SRBD1: variants seen among roughly 807,000 people sequenced by gnomAD.
The protein encoded by SRBD1 is S1 RNA binding domain 1.
SRBD1 carries 88 observed loss-of-function variants against 115.3 expected under a neutral mutation model. The ratio of observed to expected loss-of-function variants is 0.76; its 90% confidence interval spans 0.64 to 0.91. SRBD1 has a LOEUF of 0.91. SRBD1 is among the 40% of genes least tolerant of loss of function. The pLI, the probability that SRBD1 is intolerant of heterozygous loss-of-function variation, is 0.00. For missense variants in SRBD1, 1,385 were observed against 1,177.4 expected, an observed-to-expected ratio of 1.18 and a Z score of -2.58; for synonymous variants, 509 against 407.7, an observed-to-expected ratio of 1.25 and a Z score of -2.99.
intron 14 of SRBD1, among the ~76,000 whole-genome samples, chr2:45,540,322 CAG>C (rs556268426): frequency 2.8e-5 from 4 of 144,108 alleles, no homozygotes; most frequent in African/African-American, 5.2e-5. Context: ...GCCTGGGCGA[CAG>C]AGAGAGAGTC....
intron 18 of SRBD1, among the ~76,000 whole-genome samples, chr2:45,414,143 T>G (rs1052045099): frequency 6.6e-6 from 1 of 152,194 alleles, no homozygotes; most frequent in Non-Finnish European, 1.5e-5. Context: ...TTAAAGTTTC[T>G]GAGAGAAAAT....
At chr2:45,567,806 T>G (rs1035231094) in intron 9 of SRBD1, 9 of 152,166 alleles carry the variant, frequency 5.9e-5, no homozygotes, top group African/African-American at 2.2e-4. Flanking sequence ...ATAAATTAAG[T>G]AGAGTACAAC....
intron 15 of SRBD1, among the ~76,000 whole-genome samples, chr2:45,482,534 C>T (rs775063532): frequency 6.6e-6 from 1 of 151,322 alleles, no homozygotes; most frequent in Non-Finnish European, 1.5e-5. Flanking sequence ...AGAGATTTTA[C>T]GTACAGTATG....
At chr2:45,551,087 C>A (rs768945450) in intron 12 of SRBD1, 38 bp downstream of exon 12, 3 of 1,558,810 alleles carry the variant, frequency 1.9e-6, no homozygotes, top group Non-Finnish European at 2.6e-6. Context: ...TATAACCAAC[C>A]AAACAACTTT....
chr2:45,554,871 T>C (rs1672423286), intron 10 of SRBD1, among the ~76,000 whole-genome samples: 2 of 152,052 alleles, frequency 1.3e-5, no homozygotes, highest in Admixed American at 1.3e-4. Context: ...GCTCTATAGG[T>C]AACAACCTGA....
At chr2:45,587,491 T>C (rs1469686947) in intron 4 of SRBD1, among the ~76,000 whole-genome samples, 1 of 152,128 alleles carries the variant, frequency 6.6e-6, no homozygotes, top group African/African-American at 2.4e-5. Context: ...GAGTACGTTT[T>C]ATTATTATTT....
intron 16 of SRBD1, among the ~76,000 whole-genome samples, chr2:45,428,629 C>T (rs1401785293): frequency 1.3e-5 from 2 of 151,938 alleles, no homozygotes; most frequent in East Asian, 3.8e-4. Flanking sequence ...AGAACAAAGA[C>T]ACAATGTACC....
chr2:45,528,637 G>A (rs1671521931), intron 14 of SRBD1, among the ~76,000 whole-genome samples: 1 of 151,840 alleles, frequency 6.6e-6, no homozygotes, highest in South Asian at 2.1e-4. Flanking sequence ...TTGAAACTAT[G>A]TAGACTTAGA....
chr2:45,563,801 G>A (rs891108978), intron 9 of SRBD1, among the ~76,000 whole-genome samples: 3 of 152,102 alleles, frequency 2.0e-5, no homozygotes, highest in Non-Finnish European at 2.9e-5. Flanking sequence ...CACTGAATTA[G>A]TAATTTGAAA....
chr2:45,521,246 C>T (rs1208591649), intron 14 of SRBD1, among the ~76,000 whole-genome samples: 3 of 150,792 alleles, frequency 2.0e-5, no homozygotes, highest in African/African-American at 7.3e-5. Flanking sequence ...GCCAGTTCCA[C>T]AATATATAAG....
chr2:45,584,154 T>C (rs993729482), intron 5 of SRBD1, among the ~76,000 whole-genome samples: 2 of 152,212 alleles, frequency 1.3e-5, no homozygotes, highest in African/African-American at 4.8e-5. Context: ...AGAGTGGTTT[T>C]GTTTGGCCTA....
intron 4 of SRBD1, among the ~76,000 whole-genome samples, chr2:45,598,602 C>A (rs1328939691): frequency 2.7e-5 from 4 of 147,322 alleles, no homozygotes; most frequent in Non-Finnish European, 4.5e-5. Flanking sequence ...AAGACACCGT[C>A]TCAAAAAAAA....
chr2:45,541,680 G>A (rs892096807), intron 14 of SRBD1, among the ~76,000 whole-genome samples: 1 of 152,186 alleles, frequency 6.6e-6, no homozygotes, highest in Non-Finnish European at 1.5e-5. Flanking sequence ...CCCAATGAGT[G>A]TCCAGCTCCC....
intron 16 of SRBD1, among the ~76,000 whole-genome samples, chr2:45,453,442 G>C (rs552804480): frequency 2.6e-4 from 39 of 151,782 alleles, no homozygotes; most frequent in Non-Finnish European, 4.9e-4. Flanking sequence ...ATAGTATACA[G>C]AAAATACAAT....
intron 14 of SRBD1, among the ~76,000 whole-genome samples, chr2:45,537,071 A>T (rs1342727446): frequency 6.6e-6 from 1 of 152,200 alleles, no homozygotes; most frequent in Admixed American, 6.5e-5. Flanking sequence ...GTTAAGACGC[A>T]CTAAATGGAC....
chr2:45,450,596 G>C (rs537085181), intron 16 of SRBD1, among the ~76,000 whole-genome samples: 2 of 152,206 alleles, frequency 1.3e-5, no homozygotes, highest in South Asian at 2.1e-4. Context: ...TCCATTAGAT[G>C]TTCAAGGGAG....
chr2:45,399,236 AGAAT>A (rs1667228946), intron 19 of SRBD1, among the ~76,000 whole-genome samples: 1 of 152,150 alleles, frequency 6.6e-6, no homozygotes. Flanking sequence ...AAACCAACAA[AGAAT>A]AATTTAGAAA....
intron 4 of SRBD1, among the ~76,000 whole-genome samples, chr2:45,591,421 T>C (rs916645675): frequency 1.3e-5 from 2 of 152,230 alleles, no homozygotes; most frequent in African/African-American, 2.4e-5. Context: ...GGAGACTGAT[T>C]TGAGTAATAC....
chr2:45,448,367 CATT>C (rs1247682861), intron 16 of SRBD1, among the ~76,000 whole-genome samples: 4 of 152,086 alleles, frequency 2.6e-5, no homozygotes, highest in African/African-American at 7.2e-5. Flanking sequence ...AACAAAAAAA[CATT>C]ATGATCACCA....
Sources: gnomAD v4.1 joint callset for allele counts (sites outside exome capture counted in the v4.1 genomes callset) on GRCh38, gnomAD v4.1.1 for gene constraint, MANE v1.5 for transcripts, NCBI Gene and HGNC (gene_info 2026-07-23, HGNC 2026-07-21) for gene names.